Variants in HMMR observed in about 807,000 individuals in gnomAD.
HMMR encodes hyaluronan mediated motility receptor.
In HMMR, 108 loss-of-function variants were observed where a neutral mutation model predicts 101.0. That is an observed-to-expected ratio of 1.07 (90% CI 0.92 to 1.25). HMMR has a LOEUF of 1.25. Among genes scored for constraint, HMMR ranks in the 50% most tolerant of loss-of-function variants. HMMR has a pLI of 0.00. For missense variants in HMMR, 813 were observed against 788.7 expected (o/e 1.03, Z -0.37); for synonymous variants, 296 against 276.4 (o/e 1.07, Z -0.70).
chr5:163,484,370 G>A (rs1167217563), intron 16 of HMMR, 125 bp downstream of exon 16: 1 of 562,170 alleles, frequency 1.8e-6, no homozygotes, highest in Non-Finnish European at 3.1e-6. Context: ...GGAAAATTGA[G>A]CTGTGATTTA....
At chr5:163,469,291 G>A (rs932827732) in intron 4 of HMMR, among the ~76,000 whole-genome samples, 1 of 151,738 alleles carries the variant, frequency 6.6e-6, no homozygotes, top group Admixed American at 6.6e-5. Context: ...TTGAACCCAG[G>A]AGGCGGAGCT....
rs530781338 is a variant in HMMR at position 163,468,402 on chromosome 5, A to G, written c.273+654A>G. Among the ~76,000 whole-genome samples the G allele has an allele frequency of 3.3e-4, 50 of 152,300 alleles. No homozygotes were observed. The South Asian group carries it at 8.9e-3, about 27-fold the overall frequency. The stretch of plus-strand genomic sequence containing the variant: ...ATTTCTATTGAACAGTACTAACCTA[A>G]AGAACCCATTTACTTTCCTAGCAAT... On this transcript the variant is annotated intron_variant, in intron 4 of 17. Coordinates refer to ENST00000393915, the MANE Select transcript of HMMR (RefSeq NM_001142556.2).
chr5:163,477,266 A>G (rs1254580473), intron 11 of HMMR, among the ~76,000 whole-genome samples: 1 of 152,254 alleles, frequency 6.6e-6, no homozygotes, highest in Non-Finnish European at 1.5e-5. Context: ...TATTTAAATT[A>G]AAAAGTCTGA....
intron 16 of HMMR, among the ~76,000 whole-genome samples, chr5:163,487,835 AAG>A (rs1759531116): frequency 1.3e-5 from 2 of 151,414 alleles, no homozygotes; most frequent in African/African-American, 4.9e-5. Flanking sequence ...TTAGTGGAGA[AAG>A]AACTTTATTT....
intron 17 of HMMR, 28 bp downstream of exon 17, chr5:163,490,580 G>A (rs376303903): frequency 2.6e-6 from 4 of 1,523,640 alleles, no homozygotes; most frequent in South Asian, 2.4e-5. Context: ...GTATAAAAGT[G>A]TCCTCTTCCT....
chr5:163,486,011 A>G (rs971710091), intron 16 of HMMR, among the ~76,000 whole-genome samples: 1 of 152,234 alleles, frequency 6.6e-6, no homozygotes, highest in Non-Finnish European at 1.5e-5. Context: ...TGATCTATAC[A>G]TCTATCCTTG....
chr5:163,475,818 A>T (rs551749300), intron 11 of HMMR, 146 bp downstream of exon 11: 2 of 434,200 alleles, frequency 4.6e-6, no homozygotes, highest in African/African-American at 4.1e-5. Flanking sequence ...TTATTTTACA[A>T]TTAAGTAGTA....
intron 16 of HMMR, among the ~76,000 whole-genome samples, chr5:163,486,490 C>T (rs1314191553): frequency 1.3e-5 from 2 of 152,112 alleles, no homozygotes; most frequent in Non-Finnish European, 2.9e-5. Context: ...TGCACCCTTG[C>T]TAAACTCATT....
chr5:163,473,497 A>T lies in HMMR; in HGVS notation c.844A>T (p.Ile282Leu). Residue 282 changes from isoleucine (I) to leucine (L), a missense_variant, in exon 9 of 18, where the codon ATA becomes TTA. Coordinates refer to ENST00000393915, the MANE Select transcript of HMMR (RefSeq NM_001142556.2). ...LKQSLEENIV[I>L]LSKQVEDLNV... is the part of the protein sequence containing the mutation. ...GCAGTCTCTTGAGGAGAATATTGTTATATTATCTAAACAAGTAGAAGATCT... is the reference window on the plus strand; with the variant it reads ...GCAGTCTCTTGAGGAGAATATTGTTTTATTATCTAAACAAGTAGAAGATCT... 3 of 1,595,812 alleles carry T rather than the reference A, an allele frequency of 1.9e-6. No homozygotes were observed. Among genetic ancestry groups the T allele is most frequent in the Middle Eastern group, 3.3e-4 (2 of 6,028 alleles).
intron 4 of HMMR, among the ~76,000 whole-genome samples, chr5:163,468,202 TG>T (rs1173039566): frequency 1.3e-5 from 2 of 152,230 alleles, no homozygotes; most frequent in Non-Finnish European, 2.9e-5. Flanking sequence ...GCCTTCCTCA[TG>T]GGTGAAATAA....
chr5:163,483,846 G>A (rs550035140), intron 15 of HMMR, among the ~76,000 whole-genome samples: 5 of 152,096 alleles, frequency 3.3e-5, no homozygotes, highest in African/African-American at 1.2e-4. Flanking sequence ...CTGGCCAGCT[G>A]GCTTTTTTAC....
intron 1 of HMMR, among the ~76,000 whole-genome samples, chr5:163,463,069 A>G (rs1758591066): frequency 6.6e-6 from 1 of 152,144 alleles, no homozygotes; most frequent in Non-Finnish European, 1.5e-5. Context: ...GCCCCATCTC[A>G]GGTCTGCTAT....
intron 7 of HMMR, among the ~76,000 whole-genome samples, chr5:163,472,384 G>T (rs1273141652): frequency 6.6e-6 from 1 of 152,108 alleles, no homozygotes; most frequent in African/African-American, 2.4e-5. Flanking sequence ...GCTGTTGCCA[G>T]TGTCTGCCAT....
chr5:163,491,182 TGAA>T lies in HMMR; in HGVS notation c.*21_*23del, dbSNP rs1008229865. On this transcript the variant is annotated 3_prime_UTR_variant, in exon 18 of 18. Coordinates refer to ENST00000393915, the MANE Select transcript of HMMR (RefSeq NM_001142556.2). Reference sequence around the variant, plus strand: ...GGAAGTAAACATCTGAGAAACCTGTTGAAGATTATTTCATTCGTCTTGTTGTTA... The same window carrying T: ...GGAAGTAAACATCTGAGAAACCTGTTGATTATTTCATTCGTCTTGTTGTTA... 7 of 1,420,454 alleles carry T rather than the reference TGAA, an allele frequency of 4.9e-6. No individual in the cohort carries two copies. Among genetic ancestry groups the T allele is most frequent in the Non-Finnish European group, 9.7e-7 (1 of 1,027,506 alleles). The allele number at this position is 1,420,454 out of a possible 1,614,324, so 88.0% of individuals were successfully genotyped here. A position where few individuals can be genotyped will look rare whatever the true frequency, so the allele number is the denominator to read the frequency against.
chr5:163,466,622 T>C (rs1302398344), intron 3 of HMMR, among the ~76,000 whole-genome samples: 1 of 152,206 alleles, frequency 6.6e-6, no homozygotes, highest in Non-Finnish European at 1.5e-5. Flanking sequence ...TAAATATACA[T>C]AAACATTTCT....
chr5:163,476,178 A>G (rs1759064614), intron 11 of HMMR, among the ~76,000 whole-genome samples: 1 of 151,986 alleles, frequency 6.6e-6, no homozygotes, highest in Admixed American at 6.6e-5. Context: ...CTAGCTGGGC[A>G]CGGTGGTGTG....
chr5:163,483,087 TTTC>T lies in HMMR; in HGVS notation c.1604_1606del (p.Leu535del). The T allele has an allele frequency of 6.2e-7, 1 of 1,613,086 alleles. No individual in the cohort carries two copies. Among genetic ancestry groups the T allele is most frequent in the East Asian group, 2.2e-5 (1 of 44,840 alleles). ...AGAAATTAAAGAAATCACAGTTTCT[TTTC>T]TTCAAAAAATAACTGATTTGCAGAA... On this transcript the variant is annotated inframe_deletion, in exon 14 of 18. Transcript: ENST00000393915.
At chr5:163,481,219 C>T (rs1759244352) in intron 12 of HMMR, among the ~76,000 whole-genome samples, 1 of 151,668 alleles carries the variant, frequency 6.6e-6, no homozygotes, top group Admixed American at 6.6e-5. Flanking sequence ...TTATGACAGA[C>T]ACATAGATAA....
chr5:163,478,340 A>G (rs1228339467), intron 11 of HMMR, among the ~76,000 whole-genome samples: 1 of 152,204 alleles, frequency 6.6e-6, no homozygotes, highest in Non-Finnish European at 1.5e-5. Context: ...GAGAGAATGA[A>G]ACTTTATTCA....
Sources: gnomAD v4.1 joint callset for allele counts (sites outside exome capture counted in the v4.1 genomes callset) on GRCh38, gnomAD v4.1.1 for gene constraint, MANE v1.5 for transcripts, NCBI Gene and HGNC (gene_info 2026-07-23, HGNC 2026-07-21) for gene names.